The following RANBP2 variants were observed in gnomAD, a reference collection of about 807,000 sequenced individuals.
RANBP2 encodes the protein E3 SUMO-protein ligase RanBP2.
In RANBP2, 57 loss-of-function variants were observed where a neutral mutation model predicts 303.6. The ratio of observed to expected loss-of-function variants is 0.19; its 90% CI spans 0.15 to 0.23. The LOEUF (loss-of-function observed/expected upper bound fraction) is 0.23, where lower values mean the gene tolerates loss of function less well. Among genes scored for constraint, RANBP2 ranks in the 10% least tolerant of loss-of-function variants. RANBP2 has a pLI of 1.00. For synonymous variants in RANBP2, 1,167 were observed against 1,301.5 expected (o/e 0.90, Z 2.23); for missense variants, 3,138 against 3,780.8 (o/e 0.83, Z 4.46).
the RANBP2 span, among the ~76,000 whole-genome samples, chr2:109,625,526 C>T: frequency 3.4e-5 from 5 of 148,662 alleles, no homozygotes; most frequent in Non-Finnish European, 7.4e-5. Flanking sequence ...ATTAGCTGGG[C>T]ATGGTGGCAC....
chr2:109,046,087 G>A, the RANBP2 span, among the ~76,000 whole-genome samples: 8,210 of 151,802 alleles, frequency 0.054, 396 homozygotes, highest in African/African-American at 0.13. Context: ...GGCAGATCAC[G>A]AGGTCAGGAG....
the RANBP2 span, among the ~76,000 whole-genome samples, chr2:109,394,792 AC>A: frequency 1.3e-5 from 2 of 152,210 alleles, no homozygotes; most frequent in Non-Finnish European, 2.9e-5. Context: ...CCGAATCCAC[AC>A]CACATGGGAG....
chr2:109,088,166 A>C, the RANBP2 span, among the ~76,000 whole-genome samples: 1 of 152,070 alleles, frequency 6.6e-6, no homozygotes, highest in South Asian at 2.1e-4. Flanking sequence ...TGGGAGGCCG[A>C]GGTGGGCGGA....
chr2:109,483,254 A>T, the RANBP2 span, among the ~76,000 whole-genome samples: 1 of 152,228 alleles, frequency 6.6e-6, no homozygotes, highest in African/African-American at 2.4e-5. Context: ...TCCAAGTATA[A>T]CTTGCAACCC....
At chr2:109,649,354 T>C in the RANBP2 span, among the ~76,000 whole-genome samples, 1 of 152,302 alleles carries the variant, frequency 6.6e-6, no homozygotes, top group African/African-American at 2.4e-5. Flanking sequence ...GTACTTTAAA[T>C]CTATTGTAGG....
At chr2:109,282,768 G>T in the RANBP2 span, among the ~76,000 whole-genome samples, 2 of 152,226 alleles carry the variant, frequency 1.3e-5, no homozygotes, top group African/African-American at 4.8e-5. Flanking sequence ...GGAGAAAGCT[G>T]CAGAAGAGCT....
the RANBP2 span, chr2:108,875,961 A>G: frequency 1.7e-6 from 1 of 588,624 alleles, no homozygotes; most frequent in Non-Finnish European, 2.9e-6. Flanking sequence ...TTAGTTGCCT[A>G]TTTTCTCCAC....
chr2:109,169,753 T>TACACACAC, the RANBP2 span, among the ~76,000 whole-genome samples: 1 of 149,688 alleles, frequency 6.7e-6, no homozygotes, highest in African/African-American at 2.5e-5. Context: ...AAAACAACCA[T>TACACACAC]ACACACACAC....
chr2:109,565,712 T>C, the RANBP2 span: 4 of 1,448,116 alleles, frequency 2.8e-6, no homozygotes, highest in South Asian at 2.3e-5. Context: ...ACAGGTAGCT[T>C]TGAGATTACT....
the RANBP2 span, among the ~76,000 whole-genome samples, chr2:109,441,132 C>CAAAAAAAAAAAAAAAAAAA: frequency 7.5e-6 from 1 of 134,034 alleles, no homozygotes; most frequent in African/African-American, 3.0e-5. Flanking sequence ...TATAGGAATA[C>CAAAAAAAAAAAAAAAAAAA]AAAAAAAAAA....
the RANBP2 span, among the ~76,000 whole-genome samples, chr2:109,235,409 C>A: frequency 6.6e-6 from 1 of 152,136 alleles, no homozygotes; most frequent in Admixed American, 6.5e-5. Context: ...TGTGTGTTAG[C>A]TGAGGAGAGT....
chr2:108,744,668 A>G (rs562517073), intron 7 of RANBP2, among the ~76,000 whole-genome samples: 2 of 152,282 alleles, frequency 1.3e-5, no homozygotes, highest in Non-Finnish European at 2.9e-5. Flanking sequence ...GAATATTTCT[A>G]AAATTCAAAA....
the RANBP2 span, among the ~76,000 whole-genome samples, chr2:109,299,552 G>T: frequency 6.6e-6 from 1 of 152,068 alleles, no homozygotes; most frequent in Non-Finnish European, 1.5e-5. Flanking sequence ...GCTCCCAGGG[G>T]AGTCACCAAG....
At chr2:109,097,752 TGTG>T in the RANBP2 span, among the ~76,000 whole-genome samples, 1 of 151,844 alleles carries the variant, frequency 6.6e-6, no homozygotes, top group African/African-American at 2.4e-5. Context: ...TGTGTGTGTG[TGTG>T]TGTGTGTGTG....
the RANBP2 span, among the ~76,000 whole-genome samples, chr2:109,358,455 G>A: frequency 5.3e-5 from 8 of 152,204 alleles, no homozygotes; most frequent in Non-Finnish European, 8.8e-5. Flanking sequence ...AGCATGCCTA[G>A]TTTTGTAAGA....
chr2:109,383,460 G>A, the RANBP2 span, among the ~76,000 whole-genome samples: 50 of 152,350 alleles, frequency 3.3e-4, 1 homozygote, highest in East Asian at 9.7e-3. Flanking sequence ...CTCTGGGCCA[G>A]TTGGAATCAT....
At chr2:109,748,856 G>C in the RANBP2 span, among the ~76,000 whole-genome samples, 2 of 129,426 alleles carry the variant, frequency 1.5e-5, no homozygotes, top group African/African-American at 5.5e-5. Context: ...CTGGGTGACA[G>C]AGAGAGACTC....
the RANBP2 span, among the ~76,000 whole-genome samples, chr2:109,177,524 T>C: frequency 6.6e-6 from 1 of 151,880 alleles, no homozygotes; most frequent in Admixed American, 6.6e-5. Flanking sequence ...TTAACTTCTC[T>C]GGGGAGTGTG....
At chr2:108,869,788 T>C in the RANBP2 span, among the ~76,000 whole-genome samples, 5 of 152,078 alleles carry the variant, frequency 3.3e-5, no homozygotes, top group Admixed American at 3.3e-4. Context: ...TTCCCAAGGC[T>C]CAGGTGCTTG....
Sources: gnomAD v4.1 joint callset for allele counts (sites outside exome capture counted in the v4.1 genomes callset) on GRCh38, gnomAD v4.1.1 for gene constraint, MANE v1.5 for transcripts, NCBI Gene and HGNC (gene_info 2026-07-23, HGNC 2026-07-21) for gene names.